Variants in PRKCA observed in about 807,000 individuals in gnomAD.
PRKCA encodes protein kinase C alpha.
PRKCA carries 27 observed loss-of-function variants against 87.0 expected under a neutral mutation model. The ratio of observed to expected loss-of-function variants is 0.31; its 90% CI spans 0.23 to 0.43. PRKCA has a LOEUF of 0.43. Among genes scored for constraint, PRKCA ranks in the 20% least tolerant of loss-of-function variants. The pLI is 1.00. For missense variants in PRKCA, 518 were observed against 852.3 expected (o/e 0.61, Z 4.88); for synonymous variants, 329 against 311.1 (o/e 1.06, Z -0.61).
intron 8 of PRKCA, among the ~76,000 whole-genome samples, chr17:66,723,366 T>C (rs1056095328): frequency 5.9e-5 from 9 of 152,182 alleles, no homozygotes; most frequent in Admixed American, 3.3e-4. Flanking sequence ...CGGTGGCTTC[T>C]GCCTGTAATC....
intron 8 of PRKCA, among the ~76,000 whole-genome samples, chr17:66,725,744 A>G (rs1013329214): frequency 6.6e-6 from 1 of 151,062 alleles, no homozygotes; most frequent in African/African-American, 2.4e-5. Flanking sequence ...CAGGAGGTTG[A>G]GGTTGCAGTG....
chr17:66,463,382 G>T (rs1598694344), intron 2 of PRKCA, among the ~76,000 whole-genome samples: 2 of 146,500 alleles, frequency 1.4e-5, no homozygotes, highest in South Asian at 2.2e-4. Flanking sequence ...TTGATTCTGT[G>T]TTTTTTTTTT....
At chr17:66,472,415 G>C (rs560273966) in intron 2 of PRKCA, among the ~76,000 whole-genome samples, 9 of 152,164 alleles carry the variant, frequency 5.9e-5, no homozygotes, top group Non-Finnish European at 2.9e-5. Flanking sequence ...GGGTTGGCTC[G>C]TTGATGGTAG....
chr17:66,677,945 T>C (rs1483124136), intron 5 of PRKCA, among the ~76,000 whole-genome samples: 1 of 152,190 alleles, frequency 6.6e-6, no homozygotes, highest in Non-Finnish European at 1.5e-5. Flanking sequence ...CCCAGAACAT[T>C]GTCATCACTT....
chr17:66,352,851 C>T (rs1004381840), intron 2 of PRKCA, among the ~76,000 whole-genome samples: 10 of 151,898 alleles, frequency 6.6e-5, no homozygotes, highest in Non-Finnish European at 8.8e-5. Flanking sequence ...AATGAGCCAC[C>T]GTGCCCGGCC....
chr17:66,532,042 C>T lies in PRKCA; in HGVS notation c.288+35759C>T, dbSNP rs78237160. 7.3e-3 allele frequency among the ~76,000 whole-genome samples: 1,117 copies of T among 152,190 alleles called. 14 individuals carry two copies. Among genetic ancestry groups the T allele is most frequent in the African/African-American group, 0.025 (1,042 of 41,524 alleles). On this transcript the variant is annotated intron_variant, in intron 3 of 16. Transcript: ENST00000413366. ...ATTCAGCGCCTTTGCTGACAGAGCA[C>T]CATGTTCCACTGCTGAGCAGATCAG...
intron 16 of PRKCA, among the ~76,000 whole-genome samples, chr17:66,791,458 A>G (rs1975532793): frequency 6.6e-6 from 1 of 152,198 alleles, no homozygotes; most frequent in Admixed American, 6.5e-5. Context: ...GTGAAGATAG[A>G]AGCACGTGGC....
At chr17:66,739,779 A>C (rs1974117231) in intron 11 of PRKCA, among the ~76,000 whole-genome samples, 3 of 150,408 alleles carry the variant, frequency 2.0e-5, no homozygotes, top group South Asian at 2.1e-4. Context: ...GAAGGGGGGA[A>C]CGTGGTAGGT....
At chr17:66,700,158 A>T (rs147236661) in intron 8 of PRKCA, among the ~76,000 whole-genome samples, 13 of 152,360 alleles carry the variant, frequency 8.5e-5, no homozygotes, top group African/African-American at 3.1e-4. Context: ...TTTAACATAA[A>T]CCAATCAATG....
intron 3 of PRKCA, among the ~76,000 whole-genome samples, chr17:66,525,859 C>G (rs1967330846): frequency 6.6e-6 from 1 of 151,178 alleles, no homozygotes; most frequent in Admixed American, 6.6e-5. Context: ...CTTTTTTTTT[C>G]AATTCAGAAG....
At chr17:66,432,084 G>T (rs1457023925) in intron 2 of PRKCA, among the ~76,000 whole-genome samples, 1 of 152,130 alleles carries the variant, frequency 6.6e-6, no homozygotes, top group East Asian at 1.9e-4. Flanking sequence ...CCAAAAATTT[G>T]CAACAACAAG....
At chr17:66,737,621 C>G (rs931761477) in intron 10 of PRKCA, among the ~76,000 whole-genome samples, 1 of 152,212 alleles carries the variant, frequency 6.6e-6, no homozygotes, top group African/African-American at 2.4e-5. Context: ...TGCAGCCACC[C>G]GGAGCCTCTG....
intron 3 of PRKCA, among the ~76,000 whole-genome samples, chr17:66,624,388 G>A (rs1249538598): frequency 6.6e-6 from 1 of 152,210 alleles, no homozygotes; most frequent in Non-Finnish European, 1.5e-5. Context: ...GTACTTTGGG[G>A]AAGGAGTAGG....
intron 1 of PRKCA, among the ~76,000 whole-genome samples, 193 bp from the exon 2 acceptor site, chr17:66,305,903 A>G (rs989626244): frequency 3.3e-5 from 5 of 152,212 alleles, no homozygotes; most frequent in African/African-American, 9.6e-5. Flanking sequence ...CTTTATAGGC[A>G]AGATTTTTTT....
intron 2 of PRKCA, among the ~76,000 whole-genome samples, chr17:66,351,364 G>A (rs1277994263): frequency 1.3e-5 from 2 of 152,206 alleles, no homozygotes; most frequent in Non-Finnish European, 2.9e-5. Context: ...TCCTGAGCAA[G>A]TGTTCCTGGC....
chr17:66,341,221 G>A (rs141995114), intron 2 of PRKCA, among the ~76,000 whole-genome samples: 2 of 152,274 alleles, frequency 1.3e-5, no homozygotes, highest in East Asian at 1.9e-4. Context: ...GATATGGCAA[G>A]CCTCACCATT....
chr17:66,377,948 C>T (rs1909564559), intron 2 of PRKCA, among the ~76,000 whole-genome samples: 1 of 151,732 alleles, frequency 6.6e-6, no homozygotes, highest in Non-Finnish European at 1.5e-5. Context: ...TACTGTTCAT[C>T]ATGGTTTACT....
intron 3 of PRKCA, among the ~76,000 whole-genome samples, chr17:66,634,319 A>G (rs1372685409): frequency 6.6e-6 from 1 of 152,196 alleles, no homozygotes; most frequent in Non-Finnish European, 1.5e-5. Flanking sequence ...TATATGACAG[A>G]AGTGTCTGAG....
rs575526032 is a variant in PRKCA, at chr17:66,733,167, A to C, written c.1056+342A>C. On this transcript the variant is annotated intron_variant, in intron 9 of 16. Coordinates refer to ENST00000413366, the MANE Select transcript of PRKCA (RefSeq NM_002737.3). Reference sequence around the variant, plus strand: ...CCGTCTCAAAAAAAAAAAAAAAAAAAGATTTCCCTGTGATTTGTACAGTCA... The same window carrying C: ...CCGTCTCAAAAAAAAAAAAAAAAAACGATTTCCCTGTGATTTGTACAGTCA... Among the ~76,000 whole-genome samples, 26 of 144,998 alleles carry C rather than the reference A, an allele frequency of 1.8e-4. No homozygotes were observed. The East Asian group carries it at 3.0e-3, about 17-fold the overall frequency.
Sources: allele counts gnomAD v4.1 joint callset (sites outside exome capture counted in the v4.1 genomes callset), GRCh38; gene constraint gnomAD v4.1.1; transcripts MANE v1.5; gene names NCBI Gene and HGNC (gene_info 2026-07-23, HGNC 2026-07-21).